PDE4B: variants seen among roughly 807,000 people sequenced by gnomAD.
The protein encoded by PDE4B is 3',5'-cyclic-AMP phosphodiesterase 4B.
In PDE4B, 20 loss-of-function variants were observed where a neutral mutation model predicts 82.2. The observed-to-expected ratio is 0.24, with a 90% CI of 0.17 to 0.35. PDE4B has a LOEUF of 0.35. Ranked by LOEUF, PDE4B falls within the 10% of genes least tolerant of loss-of-function variation. The probability of loss-of-function intolerance (pLI) is 1.00; values close to 1 mark genes in which losing one functional copy is unlikely to be tolerated. For missense variants in PDE4B, 655 were observed against 907.2 expected (o/e 0.72, Z 3.57); for synonymous variants, 320 against 318.9 (o/e 1.00, Z -0.04).
At chr1:65,819,337 T>C (rs1451946732) in intron 1 of PDE4B, among the ~76,000 whole-genome samples, 2 of 152,100 alleles carry the variant, frequency 1.3e-5, no homozygotes, top group African/African-American at 4.8e-5. Flanking sequence ...TCTCAGTATA[T>C]GGTGATTGCA....
chr1:66,088,181 G>A (rs1037438791), intron 3 of PDE4B, among the ~76,000 whole-genome samples: 2 of 151,380 alleles, frequency 1.3e-5, no homozygotes. Flanking sequence ...GGGGTGGGGA[G>A]GACACAGTGA....
intron 3 of PDE4B, among the ~76,000 whole-genome samples, chr1:66,211,898 A>G (rs1650081208): frequency 6.6e-6 from 1 of 152,186 alleles, no homozygotes; most frequent in South Asian, 2.1e-4. Context: ...CCAGTGTGAA[A>G]CCCAAACCTT....
intron 1 of PDE4B, among the ~76,000 whole-genome samples, chr1:65,888,624 G>A (rs367760243): frequency 1.5e-3 from 221 of 152,018 alleles, no homozygotes; most frequent in African/African-American, 4.6e-3. Context: ...AATTTCTTTC[G>A]TCAGTGTTTT....
intron 3 of PDE4B, among the ~76,000 whole-genome samples, chr1:66,163,036 A>G (rs1646648930): frequency 6.6e-6 from 1 of 152,186 alleles, no homozygotes. Context: ...TAATGCTACC[A>G]TCCTTCTAGA....
intron 3 of PDE4B, among the ~76,000 whole-genome samples, chr1:66,030,670 C>T (rs748979644): frequency 1.5e-4 from 23 of 152,112 alleles, no homozygotes; most frequent in South Asian, 2.1e-4. Context: ...ATATGTTCAT[C>T]GCAGTGCTAT....
intron 1 of PDE4B, among the ~76,000 whole-genome samples, chr1:65,858,997 G>A (rs949970127): frequency 9.2e-5 from 14 of 152,004 alleles, no homozygotes; most frequent in East Asian, 3.9e-4. Context: ...TGTTTTCTTC[G>A]GAGCTGTTTG....
At chr1:66,015,479 T>C (rs1272545381) in intron 3 of PDE4B, among the ~76,000 whole-genome samples, 4 of 152,132 alleles carry the variant, frequency 2.6e-5, no homozygotes, top group Non-Finnish European at 5.9e-5. Context: ...TAATTTTATA[T>C]TGGGTGTTTA....
At chr1:66,370,857 T>C (rs2050732412) in intron 16 of PDE4B, among the ~76,000 whole-genome samples, 2 of 151,212 alleles carry the variant, frequency 1.3e-5, no homozygotes, top group Admixed American at 6.6e-5. Context: ...TAAGCACACA[T>C]AAAGAAGTAA....
At chr1:66,000,258 A>C (rs1651792546) in intron 3 of PDE4B, among the ~76,000 whole-genome samples, 1 of 152,314 alleles carries the variant, frequency 6.6e-6, no homozygotes, top group African/African-American at 2.4e-5. Flanking sequence ...GGGGGAATCT[A>C]CTTGTTATTT....
At chr1:65,928,343 G>A (rs1647625915) in intron 3 of PDE4B, among the ~76,000 whole-genome samples, 1 of 152,130 alleles carries the variant, frequency 6.6e-6, no homozygotes, top group African/African-American at 2.4e-5. Flanking sequence ...AATTAAGTAC[G>A]AATGCAGTAG....
intron 2 of PDE4B, among the ~76,000 whole-genome samples, chr1:65,914,829 T>C (rs1298508526): frequency 6.6e-6 from 1 of 152,190 alleles, no homozygotes; most frequent in Non-Finnish European, 1.5e-5. Context: ...ATGCAATGGA[T>C]ATGAACATTA....
Position 65,960,335 on chromosome 1 carries a change from C to A in PDE4B, c.281+41500C>A, listed in dbSNP as rs149612951. Among the ~76,000 whole-genome samples the A allele has an allele frequency of 1.5e-3, 221 of 151,922 alleles. 1 individual carries two copies. Among genetic ancestry groups the A allele is most frequent in the Middle Eastern group, 3.4e-3 (1 of 294 alleles). On this transcript the variant is annotated intron_variant, in intron 3 of 16. Coordinates refer to ENST00000341517, the MANE Select transcript of PDE4B (RefSeq NM_002600.4). ...ATAGGTCACCATCTCCATTATCTGT[C>A]GGTGGTGGATATGGAAGATAGCATT...
At chr1:66,053,033 C>T (rs1055397087) in intron 3 of PDE4B, among the ~76,000 whole-genome samples, 44 of 152,130 alleles carry the variant, frequency 2.9e-4, no homozygotes, top group African/African-American at 9.7e-4. Flanking sequence ...TTTAGTCTTT[C>T]TATGTGGGAG....
At chr1:65,993,206 A>G (rs539927383) in intron 3 of PDE4B, 64 of 1,230,748 alleles carry the variant, frequency 5.2e-5, no homozygotes, top group Non-Finnish European at 3.6e-5. Flanking sequence ...CCAGTGATCT[A>G]GCAGTGTAGA....
At chr1:66,243,232 CA>C (rs1294752397) in intron 3 of PDE4B, among the ~76,000 whole-genome samples, 1 of 152,160 alleles carries the variant, frequency 6.6e-6, no homozygotes, top group Non-Finnish European at 1.5e-5. Flanking sequence ...AAGGAAACAG[CA>C]GAAACACAAG....
chr1:65,916,787 A>G (rs528831421), intron 2 of PDE4B, among the ~76,000 whole-genome samples: 2 of 152,014 alleles, frequency 1.3e-5, no homozygotes, highest in African/African-American at 4.8e-5. Flanking sequence ...CACAACATAC[A>G]GTAAGTGCTA....
intron 8 of PDE4B, among the ~76,000 whole-genome samples, chr1:66,340,332 AG>A (rs1461745036): frequency 6.6e-6 from 1 of 152,256 alleles, no homozygotes; most frequent in Non-Finnish European, 1.5e-5. Flanking sequence ...CGAAGAAGAC[AG>A]TAAAACTCCT....
chr1:66,313,557 T>C lies in PDE4B; in HGVS notation c.635-18951T>C, dbSNP rs144628861. Among the ~76,000 whole-genome samples the C allele has an allele frequency of 4.2e-3, 640 of 152,342 alleles. 4 individuals carry two copies. The highest frequency in any genetic ancestry group is 0.013 in the East Asian group (66 of 5,186). ...GGTCCCTTCCAGATTCAATAATCCTTTCCATCCCAGAAGATTTGGCCTGGT... is the reference window on the plus strand; with the variant it reads ...GGTCCCTTCCAGATTCAATAATCCTCTCCATCCCAGAAGATTTGGCCTGGT... On this transcript the variant is annotated intron_variant, in intron 7 of 16. Coordinates refer to ENST00000341517, the MANE Select transcript of PDE4B (RefSeq NM_002600.4).
At chr1:66,164,970 C>T (rs1440834319) in intron 3 of PDE4B, among the ~76,000 whole-genome samples, 1 of 151,852 alleles carries the variant, frequency 6.6e-6, no homozygotes, top group Non-Finnish European at 1.5e-5. Flanking sequence ...ACTGTGTTAG[C>T]CAGGATGGTC....
Sources: gnomAD v4.1 joint callset for allele counts (sites outside exome capture counted in the v4.1 genomes callset) on GRCh38, gnomAD v4.1.1 for gene constraint, MANE v1.5 for transcripts, NCBI Gene and HGNC (gene_info 2026-07-23, HGNC 2026-07-21) for gene names.